The following FCHSD2 variants were observed in gnomAD, a reference collection of about 807,000 sequenced individuals.
FCHSD2 encodes F-BAR and double SH3 domains protein 2.
Under a neutral mutation model 108.1 loss-of-function variants are expected in FCHSD2, and 38 were observed. That is an observed-to-expected ratio of 0.35 (90% CI 0.27 to 0.46). The LOEUF (loss-of-function observed/expected upper bound fraction) is 0.46, where lower values mean the gene tolerates loss of function less well. Ranked by LOEUF, FCHSD2 falls within the 20% of genes least tolerant of loss-of-function variation. The pLI, the probability that FCHSD2 is intolerant of heterozygous loss-of-function variation, is 1.00. For missense variants in FCHSD2, 751 were observed against 897.8 expected (o/e 0.84, Z 2.09); for synonymous variants, 279 against 314.7 (o/e 0.89, Z 1.20).
intron 17 of FCHSD2, among the ~76,000 whole-genome samples, chr11:72,842,316 C>T (rs1057412571): frequency 6.6e-6 from 1 of 152,210 alleles, no homozygotes; most frequent in Non-Finnish European, 1.5e-5. Flanking sequence ...CTTCCCTCTT[C>T]GGTTTGTTTC....
At chr11:73,057,390 C>A (rs1286050942) in intron 3 of FCHSD2, among the ~76,000 whole-genome samples, 1 of 152,144 alleles carries the variant, frequency 6.6e-6, no homozygotes, top group African/African-American at 2.4e-5. Context: ...AAACTTAAAG[C>A]ATTCCACCAG....
intron 2 of FCHSD2, among the ~76,000 whole-genome samples, chr11:73,091,416 G>A (rs939707518): frequency 6.6e-6 from 1 of 152,012 alleles, no homozygotes; most frequent in African/African-American, 2.4e-5. Context: ...AGGTGTGGTG[G>A]TGGGTGCCTG....
In FCHSD2 at chr11:72,837,075, G is replaced by T. The variant is rs1283728347; in HGVS notation, c.*1716C>A. The T allele has an allele frequency of 6.6e-6, 1 of 152,154 alleles. No homozygotes were observed. The highest frequency in any genetic ancestry group is 1.9e-4 in the East Asian group (1 of 5,202). 9.4% of individuals were successfully genotyped at this position (152,154 alleles called of 1,614,324 possible). ...GACAGAATACAAGACTGGGTGGCAA[G>T]AACTGCTCTATTTAATAAGCATTTG... is the stretch of plus-strand genomic sequence containing the variant. On this transcript the variant is annotated 3_prime_UTR_variant, in exon 20 of 20. Transcript: ENST00000409418.
chr11:72,973,180 C>A (rs1857038766), intron 8 of FCHSD2, among the ~76,000 whole-genome samples: 1 of 151,956 alleles, frequency 6.6e-6, no homozygotes. Context: ...CCAGCCTGAC[C>A]AACATGGAGA....
At chr11:73,103,010 A>G (rs1191569249) in intron 2 of FCHSD2, among the ~76,000 whole-genome samples, 9 of 152,272 alleles carry the variant, frequency 5.9e-5, no homozygotes, top group Non-Finnish European at 8.8e-5. Flanking sequence ...AATGTCAAAC[A>G]TAAGTGTATC....
chr11:72,943,129 T>C (rs1413658265), intron 8 of FCHSD2, among the ~76,000 whole-genome samples: 2 of 152,128 alleles, frequency 1.3e-5, no homozygotes, highest in Non-Finnish European at 2.9e-5. Context: ...GTAGCTAGGA[T>C]TACAGGCGCG....
intron 2 of FCHSD2, among the ~76,000 whole-genome samples, chr11:73,122,151 TTTG>T (rs1860748622): frequency 6.6e-6 from 1 of 152,190 alleles, no homozygotes; most frequent in African/African-American, 2.4e-5. Context: ...ACCAGAGTTT[TTTG>T]TTGTTGTTGC....
At chr11:73,087,771 A>G (rs1859858488) in intron 2 of FCHSD2, among the ~76,000 whole-genome samples, 1 of 152,204 alleles carries the variant, frequency 6.6e-6, no homozygotes, top group Admixed American at 6.5e-5. Flanking sequence ...ATAAATAAAC[A>G]GCCTACAGCA....
chr11:73,138,914 A>G (rs1402141094), intron 2 of FCHSD2, among the ~76,000 whole-genome samples: 2 of 152,196 alleles, frequency 1.3e-5, no homozygotes, highest in Non-Finnish European at 2.9e-5. Context: ...GGCCTCGCAT[A>G]GGAATTTTTA....
chr11:73,124,368 C>T (rs1463422915), intron 2 of FCHSD2, among the ~76,000 whole-genome samples: 1 of 151,952 alleles, frequency 6.6e-6, no homozygotes, highest in Non-Finnish European at 1.5e-5. Context: ...ATATAACAAA[C>T]CTGCACATTG....
At chr11:72,983,968 T>G in intron 8 of FCHSD2, 120 bp downstream of exon 8, 2 of 771,086 alleles carry the variant, frequency 2.6e-6, no homozygotes, top group Non-Finnish European at 4.5e-6. Context: ...TATATTCCAA[T>G]GAGATGCAAC....
intron 10 of FCHSD2, among the ~76,000 whole-genome samples, chr11:72,896,764 T>TAAA (rs58159831): frequency 1.3e-4 from 9 of 68,406 alleles, no homozygotes; most frequent in South Asian, 6.9e-4. Context: ...GGGAAAATAC[T>TAAA]AAAAAAAAAA....
chr11:73,081,041 T>C (rs1467640594), intron 3 of FCHSD2, among the ~76,000 whole-genome samples: 5 of 152,138 alleles, frequency 3.3e-5, no homozygotes, highest in African/African-American at 1.2e-4. Flanking sequence ...TTTTAATCTT[T>C]GTGGAAAAAG....
chr11:72,995,699 A>G (rs1457425257), intron 5 of FCHSD2, among the ~76,000 whole-genome samples: 1 of 150,230 alleles, frequency 6.7e-6, no homozygotes, highest in African/African-American at 2.5e-5. Context: ...GCAGAGAAAA[A>G]TTCTGTCTCA....
At chr11:73,089,919 C>T (rs1859913431) in intron 2 of FCHSD2, among the ~76,000 whole-genome samples, 1 of 151,972 alleles carries the variant, frequency 6.6e-6, no homozygotes, top group Non-Finnish European at 1.5e-5. Context: ...AAAAAGCCTA[C>T]CCTTACCAGA....
chr11:72,900,224 ATCCCTCCCGCCCTTG>A, intron 10 of FCHSD2: 1 of 582,250 alleles, frequency 1.7e-6, no homozygotes, highest in Non-Finnish European at 3.3e-6. Flanking sequence ...CACACTTCCC[ATCCCTCCCGCCCTTG>A]ACCCACACCC....
chr11:72,859,728 T>C (rs1469221699), intron 13 of FCHSD2, among the ~76,000 whole-genome samples: 1 of 152,134 alleles, frequency 6.6e-6, no homozygotes, highest in Non-Finnish European at 1.5e-5. Context: ...TGGCTGAGTA[T>C]TGGTCAGTAC....
intron 3 of FCHSD2, among the ~76,000 whole-genome samples, chr11:73,075,934 C>T (rs542827667): frequency 7.7e-4 from 117 of 152,102 alleles, no homozygotes; most frequent in Non-Finnish European, 1.0e-3. Flanking sequence ...GCCTGGGCAA[C>T]GTGGCAAAAC....
At chr11:72,947,928 T>C (rs961413649) in intron 8 of FCHSD2, among the ~76,000 whole-genome samples, 4 of 152,240 alleles carry the variant, frequency 2.6e-5, no homozygotes, top group African/African-American at 7.2e-5. Context: ...TTAACATTTT[T>C]CATGGCACTA....
Sources: gnomAD v4.1 joint callset for allele counts (sites outside exome capture counted in the v4.1 genomes callset) on GRCh38, gnomAD v4.1.1 for gene constraint, MANE v1.5 for transcripts, NCBI Gene and HGNC (gene_info 2026-07-23, HGNC 2026-07-21) for gene names.